C19orf18: variants seen among roughly 807,000 people sequenced by gnomAD.
The protein encoded by C19orf18 is uncharacterized protein C19orf18.
A neutral mutation model predicts 23.3 loss-of-function variants in C19orf18; 21 were observed. The ratio of observed to expected loss-of-function variants is 0.90; its 90% CI spans 0.64 to 1.30. The LOEUF (loss-of-function observed/expected upper bound fraction) is 1.30, where lower values mean the gene tolerates loss of function less well. Ranked by LOEUF, C19orf18 falls within the 50% of genes most tolerant of loss-of-function variation. C19orf18 has a pLI of 0.00. For synonymous variants in C19orf18, 96 were observed against 95.2 expected, an observed-to-expected ratio of 1.01 and a Z score of -0.05; for missense variants, 249 against 259.6, an observed-to-expected ratio of 0.96 and a Z score of 0.28.
chr19:57,972,905 G>A (rs1449825167), intron 2 of C19orf18, among the ~76,000 whole-genome samples: 23 of 152,080 alleles, frequency 1.5e-4, no homozygotes, highest in Admixed American at 1.5e-3. Flanking sequence ...GCTCATGCCT[G>A]TAATCCCAGC....
chr19:57,974,012 C>A (rs2072965375), intron 2 of C19orf18, 87 bp downstream of exon 2: 1 of 1,308,668 alleles, frequency 7.6e-7, no homozygotes, highest in Non-Finnish European at 1.1e-6. Context: ...TTTCTACCAG[C>A]AAGCACACAG....
chr19:57,961,189 C>T (rs1314713372), intron 5 of C19orf18, among the ~76,000 whole-genome samples: 9 of 151,138 alleles, frequency 6.0e-5, no homozygotes, highest in Non-Finnish European at 5.9e-5. Context: ...GAGCAGAGAT[C>T]GCGCCACTGC....
rs2072844070 is a variant in C19orf18, at chr19:57,958,464, G to C, written c.*138C>G. On this transcript the variant is annotated 3_prime_UTR_variant, in exon 6 of 6. Transcript: ENST00000314391. ...GCTATATCATGTGGCTTTATTTTCT[G>C]GGATACAGGTCTGGCATTTCTTTCT... The C allele has an allele frequency of 1.0e-5, 6 of 579,802 alleles. No homozygotes were observed. In the Admixed American group the frequency reaches 1.9e-4, roughly 18 times the overall value. 35.9% of individuals were successfully genotyped at this position (579,802 alleles called of 1,614,324 possible).
At chr19:57,968,948 G>A (rs2072925810) in intron 3 of C19orf18, among the ~76,000 whole-genome samples, 1 of 152,054 alleles carries the variant, frequency 6.6e-6, no homozygotes, top group African/African-American at 2.4e-5. Context: ...TCACCCCAGG[G>A]CCAAATACTG....
At chr19:57,973,593 C>T (rs938524779) in intron 2 of C19orf18, among the ~76,000 whole-genome samples, 3 of 151,782 alleles carry the variant, frequency 2.0e-5, no homozygotes, top group Non-Finnish European at 1.5e-5. Context: ...GGCGTGGTGG[C>T]GGGTGCCTGT....
At position 57,967,276 on chromosome 19, in the gene C19orf18, A is replaced by G. The variant is rs530400423; in HGVS notation, c.269-644T>C. On this transcript the variant is annotated intron_variant, in intron 3 of 5. Coordinates refer to ENST00000314391, the MANE Select transcript of C19orf18 (RefSeq NM_152474.5). The stretch of plus-strand genomic sequence containing the variant: ...ATTATTTTGGGGAACTTTGTATAAA[A>G]GAAAGAAGAGAAATGGGCACAGCTC... Among the ~76,000 whole-genome samples, 22 of 152,304 alleles carry G rather than the reference A, an allele frequency of 1.4e-4. 1 individual carries two copies. The South Asian group carries it at 3.9e-3, about 27-fold the overall frequency.
intron 5 of C19orf18, 35 bp from the exon 6 acceptor site, chr19:57,958,752 T>A: frequency 8.1e-7 from 1 of 1,228,786 alleles, no homozygotes; most frequent in Non-Finnish European, 1.1e-6. Context: ...GAGATAGTAA[T>A]AAGTGAGGAA....
intron 2 of C19orf18, among the ~76,000 whole-genome samples, chr19:57,972,992 A>C (rs1181724382): frequency 6.6e-6 from 1 of 151,842 alleles, no homozygotes; most frequent in South Asian, 2.1e-4. Flanking sequence ...TACTGAAAAT[A>C]CAAAAATTAG....
intron 5 of C19orf18, among the ~76,000 whole-genome samples, chr19:57,959,921 C>T (rs900333046): frequency 1.3e-5 from 2 of 151,518 alleles, no homozygotes; most frequent in East Asian, 3.9e-4. Flanking sequence ...ACCAGCCTGG[C>T]TAACTGGTGA....
At chr19:57,967,820 C>A (rs1461598763) in intron 3 of C19orf18, among the ~76,000 whole-genome samples, 2 of 148,112 alleles carry the variant, frequency 1.4e-5, no homozygotes, top group Non-Finnish European at 1.5e-5. Flanking sequence ...CCAGCCTGAC[C>A]AACACGGCGA....
At position 57,974,294 on chromosome 19, in the gene C19orf18, A is replaced by C. The variant is rs1490998711; in HGVS notation, c.121+18T>G. 1 of 1,613,728 alleles carries C rather than the reference A, an allele frequency of 6.2e-7. No individual in the cohort carries two copies. The highest frequency in any genetic ancestry group is 8.5e-7 in the Non-Finnish European group (1 of 1,179,908). On this transcript the variant is annotated intron_variant, in intron 1 of 5. Transcript: ENST00000314391. ...TTCAATTCTCCCTGAGTCACATAAA[A>C]CCAGTGGTTGAAGCTACCTGGTAAG...
intron 3 of C19orf18, 129 bp downstream of exon 3, chr19:57,972,334 G>T: frequency 8.9e-7 from 1 of 1,120,740 alleles, no homozygotes; most frequent in South Asian, 1.6e-5. Flanking sequence ...GGGGCACCTT[G>T]TCTAACACAC....
At chr19:57,961,862 T>C (rs1262360224) in intron 4 of C19orf18, among the ~76,000 whole-genome samples, 6 of 152,138 alleles carry the variant, frequency 3.9e-5, no homozygotes, top group Non-Finnish European at 7.3e-5. Context: ...CATCTTTCTT[T>C]CCATTCCTTT....
chr19:57,966,502 C>CAGCAGATATTACTT, intron 4 of C19orf18, 28 bp downstream of exon 4: 1 of 1,378,496 alleles, frequency 7.3e-7, no homozygotes, highest in Non-Finnish European at 1.0e-6. Flanking sequence ...CATTTAAGGA[C>CAGCAGATATTACTT]AGCAGATATT....
At chr19:57,967,979 T>C (rs2072919755) in intron 3 of C19orf18, among the ~76,000 whole-genome samples, 1 of 151,896 alleles carries the variant, frequency 6.6e-6, no homozygotes, top group Non-Finnish European at 1.5e-5. Flanking sequence ...GCCACTGCAC[T>C]CCAGCCTGGG....
intron 4 of C19orf18, among the ~76,000 whole-genome samples, chr19:57,965,117 T>TTTTATTTATTTATTTATTTATTTA (rs59561103): frequency 2.1e-4 from 30 of 145,938 alleles, no homozygotes; most frequent in South Asian, 8.6e-4. Context: ...GTTCTTTTTA[T>TTTTATTTATTTATTTATTTATTTA]TTTATTTATT....
intron 3 of C19orf18, 37 bp from the exon 4 acceptor site, chr19:57,966,669 G>A: frequency 7.0e-7 from 1 of 1,424,792 alleles, no homozygotes; most frequent in Non-Finnish European, 9.8e-7. Flanking sequence ...GCTCAAAAAT[G>A]TTCATTTTAG....
intron 3 of C19orf18, among the ~76,000 whole-genome samples, chr19:57,971,759 C>A (rs2072945952): frequency 6.6e-6 from 1 of 152,186 alleles, no homozygotes; most frequent in Non-Finnish European, 1.5e-5. Flanking sequence ...GGATGAGCCA[C>A]CGCACCCGGC....
At position 57,973,724 on chromosome 19, in the gene C19orf18, CA is replaced by C. The variant is rs59211957; in HGVS notation, c.226+374del. On this transcript the variant is annotated intron_variant, in intron 2 of 5. Coordinates refer to ENST00000314391, the MANE Select transcript of C19orf18 (RefSeq NM_152474.5). The stretch of plus-strand genomic sequence containing the variant: ...TGGGCGACAGAGCAAGACTCTGTCT[CA>C]AAAAAAAAAAAAAGAAAAAAAAGAA... Among the ~76,000 whole-genome samples the C allele has an allele frequency of 2.1e-3, 222 of 107,706 alleles. 1 individual carries two copies. The highest frequency in any genetic ancestry group is 2.4e-3 in the Non-Finnish European group (123 of 51,436). 70.7% of individuals were successfully genotyped at this position (107,706 alleles called of 152,430 possible).
Sources: allele counts gnomAD v4.1 joint callset (sites outside exome capture counted in the v4.1 genomes callset), GRCh38; gene constraint gnomAD v4.1.1; transcripts MANE v1.5; gene names NCBI Gene and HGNC (gene_info 2026-07-23, HGNC 2026-07-21).